Variants in MAEA observed in about 807,000 individuals in gnomAD.
MAEA encodes the protein E3 ubiquitin-protein transferase MAEA.
Under a neutral mutation model 46.2 loss-of-function variants are expected in MAEA, and 22 were observed. That is an observed-to-expected ratio of 0.48 (90% CI 0.34 to 0.68). The LOEUF (loss-of-function observed/expected upper bound fraction) is 0.68. Among genes scored for constraint, MAEA ranks in the 30% least tolerant of loss-of-function variants. MAEA has a pLI of 0.01. For synonymous variants in MAEA, 246 were observed against 222.6 expected, an observed-to-expected ratio of 1.11 and a Z score of -0.94; for missense variants, 393 against 558.1, an observed-to-expected ratio of 0.70 and a Z score of 2.98.
At position 1,338,527 on chromosome 4, in the gene MAEA, C is replaced by T. The variant is rs1381607577; in HGVS notation, c.1005C>T (p.Asn335=). The T allele has an allele frequency of 5.0e-6, 8 of 1,613,382 alleles. No individual in the cohort carries two copies. The highest frequency in any genetic ancestry group is 6.8e-6 in the Non-Finnish European group (8 of 1,180,018). The change falls in exon 8 of 9, where the codon AAC becomes AAT. Residue 335 remains asparagine (N), a synonymous_variant. Coordinates refer to ENST00000303400, the MANE Select transcript of MAEA (RefSeq NM_001017405.3). ...CCCTGCCCATGGCCCACTGTGCCAA[C>T]TCCCGCCTGGTCTGCAAGATTTCTG... The part of the protein sequence containing the change: ...AQPLPMAHCA[N]SRLVCKISGD...
intron 7 of MAEA, chr4:1,338,210 G>T (rs1263326357): frequency 5.9e-6 from 3 of 508,318 alleles, no homozygotes; most frequent in Non-Finnish European, 1.1e-5. Flanking sequence ...GGGGTGAGAA[G>T]GCGCAGGCTT....
intron 1 of MAEA, among the ~76,000 whole-genome samples, chr4:1,307,221 C>T (rs1001993353): frequency 6.6e-6 from 1 of 152,202 alleles, no homozygotes; most frequent in Non-Finnish European, 1.5e-5. Flanking sequence ...AGCGTAGACA[C>T]CGTTCCGTAA....
chr4:1,303,232 C>CAAAAAAAAAAA (rs71168823), intron 1 of MAEA, among the ~76,000 whole-genome samples: 21 of 65,636 alleles, frequency 3.2e-4, no homozygotes, highest in African/African-American at 6.6e-4. Flanking sequence ...ACTAAAAATA[C>CAAAAAAAAAAA]AAAAAAAAAA....
chr4:1,337,210 G>T, intron 7 of MAEA: 1 of 580,500 alleles, frequency 1.7e-6, no homozygotes, highest in Non-Finnish European at 3.0e-6. Flanking sequence ...GGGAAGTGGC[G>T]CGCTTCCTCT....
intron 6 of MAEA, chr4:1,335,719 C>T: frequency 1.0e-6 from 1 of 985,280 alleles, no homozygotes. Flanking sequence ...TCAGCACTGG[C>T]CCCACAGTGT....
Position 1,311,969 on chromosome 4 carries a change from T to C in MAEA, c.70-10T>C. 1 of 1,601,370 alleles carries C rather than the reference T, an allele frequency of 6.2e-7. No individual in the cohort carries two copies. Among genetic ancestry groups the C allele is most frequent in the Non-Finnish European group, 8.5e-7 (1 of 1,170,326 alleles). ...GGAGCAGATCCCTCACCATCCTCCT[T>C]CCTCTCCAGGTGCCCTACGAGACGC... On this transcript the variant is annotated splice_polypyrimidine_tract_variant and intron_variant, in intron 1 of 8. Transcript: ENST00000303400. This position sits in a 1 kb window ranked among gnomAD's most constrained non-coding sequence, Gnocchi z 4.4.
At chr4:1,318,261 C>G (rs888329397) in intron 3 of MAEA, among the ~76,000 whole-genome samples, 1 of 152,218 alleles carries the variant, frequency 6.6e-6, no homozygotes, top group African/African-American at 2.4e-5. Context: ...ACCAAGCAAC[C>G]TGGCGGTGGC....
chr4:1,322,264 A>T lies in MAEA; in HGVS notation c.457-117A>T, dbSNP rs1244253677. 11 of 1,375,524 alleles carry T rather than the reference A, an allele frequency of 8.0e-6. No homozygotes were observed. The African/African-American group carries it at 1.4e-4, about 18-fold the overall frequency. The allele number at this position is 1,375,524 out of a possible 1,614,324, so 85.2% of individuals were successfully genotyped here. On this transcript the variant is annotated intron_variant, in intron 3 of 8. Transcript: ENST00000303400. ...TGCAGACCCACAGTGTGGACTGGAG[A>T]TGCATCTCGAGTGGTGGCCGGTGCT...
At chr4:1,306,248 T>C (rs1735819289) in intron 1 of MAEA, among the ~76,000 whole-genome samples, 1 of 152,214 alleles carries the variant, frequency 6.6e-6, no homozygotes, top group South Asian at 2.1e-4. Context: ...TGTGGTCTAA[T>C]TTGCATTTCC....
chr4:1,309,444 G>T, intron 1 of MAEA: 2 of 1,291,842 alleles, frequency 1.5e-6, no homozygotes, highest in Non-Finnish European at 2.0e-6. Flanking sequence ...TCCGGGGCTG[G>T]CCTGGCTCCT....
chr4:1,317,631 C>T (rs570358386), intron 3 of MAEA, among the ~76,000 whole-genome samples: 75 of 152,218 alleles, frequency 4.9e-4, no homozygotes, highest in African/African-American at 1.6e-3. Context: ...AGTGAGTCCT[C>T]GTGTCCTGGA....
intron 1 of MAEA, among the ~76,000 whole-genome samples, chr4:1,292,122 C>T (rs28573879): frequency 0.14 from 21,189 of 152,068 alleles, 1,741 homozygotes; most frequent in African/African-American, 0.22. Context: ...GCTGCAGGAC[C>T]GGGGTTGTGG....
At chr4:1,327,820 T>G in intron 5 of MAEA, 117 bp downstream of exon 5, 2 of 779,662 alleles carry the variant, frequency 2.6e-6, no homozygotes, top group South Asian at 3.0e-5. Context: ...GTCCCCTGGG[T>G]CTTGAGTCTG....
rs187809562 is a variant in MAEA, at chr4:1,310,099, G to A, written c.70-1880G>A. ...ACTTTCTGTCCTGCTCTTGTGAGGC[G>A]CCTGCACAGGCAGAGCAAAGACTGA... On this transcript the variant is annotated intron_variant, in intron 1 of 8. Transcript: ENST00000303400. The A allele has an allele frequency of 1.5e-4, 126 of 854,612 alleles. 1 individual carries two copies. The Admixed American group carries it at 2.7e-3, about 19-fold the overall frequency. The allele number at this position is 854,612 out of a possible 1,614,324, so 52.9% of individuals were successfully genotyped here. A position where few individuals can be genotyped will look rare whatever the true frequency, so the allele number is the denominator to read the frequency against.
intron 1 of MAEA, among the ~76,000 whole-genome samples, chr4:1,304,561 C>T (rs1735652263): frequency 6.6e-6 from 1 of 152,220 alleles, no homozygotes; most frequent in African/African-American, 2.4e-5. Flanking sequence ...CTGCCTCAGC[C>T]TCCCGAGTAG....
At chr4:1,290,109 G>A in intron 1 of MAEA, 127 bp downstream of exon 1, 1 of 494,636 alleles carries the variant, frequency 2.0e-6, no homozygotes, top group Non-Finnish European at 3.0e-6. Flanking sequence ...GCCTCGCGGG[G>A]CCGTGCGGGC....
At chr4:1,326,068 C>T (rs1232583476) in intron 4 of MAEA, among the ~76,000 whole-genome samples, 1 of 152,204 alleles carries the variant, frequency 6.6e-6, no homozygotes, top group Non-Finnish European at 1.5e-5. Flanking sequence ...CTGGGCAGCC[C>T]AGTCCTCCCC....
At chr4:1,334,677 A>G (rs1712512506) in intron 6 of MAEA, among the ~76,000 whole-genome samples, 1 of 152,366 alleles carries the variant, frequency 6.6e-6, no homozygotes, top group South Asian at 2.1e-4. Context: ...ATCTGTTGCC[A>G]GATTCAGGGG....
At chr4:1,307,113 G>A (rs774022162) in intron 1 of MAEA, among the ~76,000 whole-genome samples, 25 of 152,174 alleles carry the variant, frequency 1.6e-4, no homozygotes, top group Admixed American at 8.5e-4. Context: ...AAATTCATTA[G>A]AATTTTTGTT....
Sources: allele counts gnomAD v4.1 joint callset (sites outside exome capture counted in the v4.1 genomes callset), GRCh38; gene constraint gnomAD v4.1.1; non-coding constraint Gnocchi (gnomAD v3.1); transcripts MANE v1.5; gene names NCBI Gene and HGNC (gene_info 2026-07-23, HGNC 2026-07-21).